The following GMDS variants were observed in gnomAD, a reference collection of about 807,000 sequenced individuals.
GMDS encodes GDP-mannose 4,6 dehydratase.
A neutral mutation model predicts 49.9 loss-of-function variants in GMDS; 20 were observed. The ratio of observed to expected loss-of-function variants is 0.40; its 90% CI spans 0.28 to 0.58. The LOEUF (loss-of-function observed/expected upper bound fraction) is 0.58. GMDS is among the 20% of genes least tolerant of loss of function. GMDS has a pLI of 0.42. For synonymous variants in GMDS, 177 were observed against 178.6 expected, an observed-to-expected ratio of 0.99 and a Z score of 0.07; for missense variants, 362 against 481.4, an observed-to-expected ratio of 0.75 and a Z score of 2.32.
intron 6 of GMDS, among the ~76,000 whole-genome samples, chr6:1,931,993 C>T (rs1207678438): frequency 6.6e-6 from 1 of 152,174 alleles, no homozygotes; most frequent in East Asian, 1.9e-4. Context: ...AGTGCTGAAC[C>T]TAGTAAAATG....
chr6:1,880,846 T>G (rs1759325664), intron 7 of GMDS, among the ~76,000 whole-genome samples: 1 of 152,170 alleles, frequency 6.6e-6, no homozygotes, highest in Non-Finnish European at 1.5e-5. Context: ...TGCCTACCCA[T>G]TATAATATCT....
chr6:1,730,468 T>C (rs1265993796), intron 8 of GMDS, among the ~76,000 whole-genome samples: 1 of 152,128 alleles, frequency 6.6e-6, no homozygotes, highest in African/African-American at 2.4e-5. Context: ...TGAGACCTGA[T>C]TGCAAATCTC....
In GMDS at chr6:1,943,093, C is replaced by T. The variant is rs909305003; in HGVS notation, c.644-12863G>A. 5.9e-5 allele frequency among the ~76,000 whole-genome samples: 9 copies of T among 152,322 alleles called. No homozygotes were observed. In the East Asian group the frequency reaches 1.7e-3, roughly 29 times the overall value. ...AAGCTCCTGTGTGCCCTGTCACCGG[C>T]CCCGTCCCCAGCATCTCCTCCTGCC... On this transcript the variant is annotated intron_variant, in intron 6 of 10. Coordinates refer to ENST00000380815, the MANE Select transcript of GMDS (RefSeq NM_001500.4).
At chr6:2,092,631 ACT>A (rs1361244784) in intron 4 of GMDS, among the ~76,000 whole-genome samples, 4 of 152,346 alleles carry the variant, frequency 2.6e-5, no homozygotes, top group African/African-American at 9.6e-5. Context: ...ACTTTAAGAC[ACT>A]GAGATTCTAT....
intron 7 of GMDS, among the ~76,000 whole-genome samples, chr6:1,915,294 G>A (rs902566222): frequency 6.6e-6 from 1 of 152,226 alleles, no homozygotes; most frequent in African/African-American, 2.4e-5. Flanking sequence ...GAGGCTCACA[G>A]GGCTGAGAAT....
At chr6:1,699,404 A>G (rs1157278094) in intron 9 of GMDS, among the ~76,000 whole-genome samples, 3 of 152,180 alleles carry the variant, frequency 2.0e-5, no homozygotes, top group East Asian at 3.9e-4. Context: ...CTGAGAGGCT[A>G]GAGGGGAGAG....
intron 1 of GMDS, among the ~76,000 whole-genome samples, chr6:2,218,905 T>C (rs1010362353): frequency 1.3e-5 from 2 of 152,126 alleles, no homozygotes; most frequent in African/African-American, 4.8e-5. Flanking sequence ...TTTTCACAGA[T>C]TCTAAGCATT....
At chr6:2,166,786 A>G (rs1202527347) in intron 1 of GMDS, among the ~76,000 whole-genome samples, 1 of 152,200 alleles carries the variant, frequency 6.6e-6, no homozygotes, top group African/African-American at 2.4e-5. Flanking sequence ...AATGTGGCCA[A>G]TGCTAATTGT....
chr6:1,840,390 C>T (rs560294847), intron 7 of GMDS, among the ~76,000 whole-genome samples: 4 of 152,250 alleles, frequency 2.6e-5, no homozygotes, highest in African/African-American at 9.6e-5. Context: ...GTTAAATAAA[C>T]CCAGCAGTCA....
intron 4 of GMDS, among the ~76,000 whole-genome samples, chr6:2,024,833 T>A (rs565556868): frequency 0.018 from 2,676 of 152,032 alleles, 82 homozygotes; most frequent in African/African-American, 0.062. Context: ...TTAAAAAAAA[T>A]ACCTAATTAT....
At chr6:2,244,369 G>C (rs1781759880) in intron 1 of GMDS, among the ~76,000 whole-genome samples, 1 of 152,110 alleles carries the variant, frequency 6.6e-6, no homozygotes, top group Admixed American at 6.6e-5. Context: ...GAACATGATA[G>C]ACACAATATG....
At chr6:1,853,636 A>G (rs1324230280) in intron 7 of GMDS, among the ~76,000 whole-genome samples, 1 of 152,170 alleles carries the variant, frequency 6.6e-6, no homozygotes, top group Non-Finnish European at 1.5e-5. Flanking sequence ...CATTATTTCA[A>G]GATGTCTATG....
At chr6:2,143,613 G>A (rs958433081) in intron 1 of GMDS, among the ~76,000 whole-genome samples, 13 of 145,590 alleles carry the variant, frequency 8.9e-5, no homozygotes, top group African/African-American at 2.0e-4. Flanking sequence ...TGGGGAAGCT[G>A]TGAATGGCTG....
At chr6:1,710,140 G>A (rs1012644263) in intron 9 of GMDS, among the ~76,000 whole-genome samples, 2 of 152,214 alleles carry the variant, frequency 1.3e-5, no homozygotes, top group Admixed American at 6.5e-5. Context: ...AAGAATCACT[G>A]CTTGTCAACA....
At chr6:2,034,291 T>C (rs1386686169) in intron 4 of GMDS, among the ~76,000 whole-genome samples, 1 of 152,118 alleles carries the variant, frequency 6.6e-6, no homozygotes, top group African/African-American at 2.4e-5. Flanking sequence ...ATGTAACAAC[T>C]CCTATTAAAA....
intron 7 of GMDS, among the ~76,000 whole-genome samples, chr6:1,765,495 A>G (rs1322565152): frequency 1.3e-5 from 2 of 152,210 alleles, no homozygotes; most frequent in Admixed American, 1.3e-4. Flanking sequence ...CCACAAAAAT[A>G]TTCATTCGCA....
intron 4 of GMDS, among the ~76,000 whole-genome samples, chr6:2,073,369 T>C (rs1772128279): frequency 6.6e-6 from 1 of 152,170 alleles, no homozygotes; most frequent in Non-Finnish European, 1.5e-5. Context: ...AAACAAAAAC[T>C]TTTGTTGATA....
intron 1 of GMDS, among the ~76,000 whole-genome samples, chr6:2,176,852 T>C (rs969537388): frequency 2.6e-5 from 4 of 151,868 alleles, no homozygotes. Flanking sequence ...GGGAGAAGGG[T>C]CAGGTAAAAG....
At chr6:1,720,399 G>A (rs1000635420) in intron 9 of GMDS, among the ~76,000 whole-genome samples, 8 of 152,120 alleles carry the variant, frequency 5.3e-5, no homozygotes, top group Non-Finnish European at 1.2e-4. Flanking sequence ...GGAAGGAAAA[G>A]GGCAGGAAAG....
Sources: allele counts gnomAD v4.1 joint callset (sites outside exome capture counted in the v4.1 genomes callset), GRCh38; gene constraint gnomAD v4.1.1; transcripts MANE v1.5; gene names NCBI Gene and HGNC (gene_info 2026-07-23, HGNC 2026-07-21).